The following HAT1 variants were observed in gnomAD, a reference collection of about 807,000 sequenced individuals.
HAT1 encodes histone acetyltransferase type B catalytic subunit.
A neutral mutation model predicts 56.6 loss-of-function variants in HAT1; 20 were observed. The observed-to-expected ratio is 0.35, with a 90% CI of 0.25 to 0.51. The LOEUF is 0.51. HAT1 is among the 20% of genes least tolerant of loss of function. HAT1 has a pLI of 0.95. For synonymous variants in HAT1, 146 were observed against 165.5 expected (o/e 0.88, Z 0.91); for missense variants, 408 against 504.3 (o/e 0.81, Z 1.83).
chr2:171,931,912 A>G (rs1285085143), intron 2 of HAT1, among the ~76,000 whole-genome samples: 1 of 152,228 alleles, frequency 6.6e-6, no homozygotes, highest in Non-Finnish European at 1.5e-5. Flanking sequence ...CAATTGAAGA[A>G]GGAAAATTTT....
intron 9 of HAT1, among the ~76,000 whole-genome samples, chr2:171,977,954 ACAT>A (rs1688029764): frequency 6.6e-6 from 1 of 152,120 alleles, no homozygotes; most frequent in African/African-American, 2.4e-5. Context: ...AAGTGAAACA[ACAT>A]CAACAGAAAA....
chr2:171,938,242 A>G (rs2105310955), intron 2 of HAT1, among the ~76,000 whole-genome samples: 1 of 152,264 alleles, frequency 6.6e-6, no homozygotes, highest in South Asian at 2.1e-4. Context: ...AAAGAAAGAA[A>G]GAAGCAACAG....
intron 10 of HAT1, among the ~76,000 whole-genome samples, chr2:171,981,753 G>A (rs577924409): frequency 6.6e-6 from 1 of 152,122 alleles, no homozygotes; most frequent in South Asian, 2.1e-4. Flanking sequence ...TAGCAGGTTT[G>A]TAATAAATTA....
intron 2 of HAT1, among the ~76,000 whole-genome samples, chr2:171,933,980 C>A (rs1024622281): frequency 6.6e-6 from 1 of 152,184 alleles, no homozygotes; most frequent in Admixed American, 6.5e-5. Context: ...CTGTCAAAAT[C>A]TCCAGCTGGA....
At chr2:171,956,311 C>T (rs1221902638) in intron 4 of HAT1, among the ~76,000 whole-genome samples, 7 of 151,772 alleles carry the variant, frequency 4.6e-5, no homozygotes, top group Non-Finnish European at 1.5e-5. Context: ...GGCGAAAACC[C>T]ATCTCTACAC....
chr2:171,980,499 T>C (rs754654736), intron 10 of HAT1: 1 of 152,126 alleles, frequency 6.6e-6, no homozygotes. Flanking sequence ...CTAGATCAAA[T>C]TGGCCTTATC....
intron 2 of HAT1, among the ~76,000 whole-genome samples, chr2:171,934,560 A>C (rs1686819797): frequency 6.6e-6 from 1 of 152,140 alleles, no homozygotes; most frequent in African/African-American, 2.4e-5. Flanking sequence ...TTATAGAAGA[A>C]GGCGTTGGAG....
chr2:171,937,376 A>G (rs978943704), intron 2 of HAT1, among the ~76,000 whole-genome samples: 1 of 152,168 alleles, frequency 6.6e-6, no homozygotes, highest in Admixed American at 6.6e-5. Context: ...TTGTGCCTAT[A>G]AAAAGGTGGT....
intron 4 of HAT1, among the ~76,000 whole-genome samples, chr2:171,962,595 T>C (rs982291238): frequency 1.3e-5 from 2 of 152,192 alleles, no homozygotes; most frequent in Admixed American, 1.3e-4. Context: ...GGTTTCACCA[T>C]GTTGGCCAGG....
chr2:171,955,923 T>G (rs1188117977), intron 4 of HAT1, among the ~76,000 whole-genome samples: 1 of 151,826 alleles, frequency 6.6e-6, no homozygotes, highest in Non-Finnish European at 1.5e-5. Flanking sequence ...CGCATGCCTG[T>G]AATCCCAGCT....
chr2:171,935,245 T>TG (rs1250426256), intron 2 of HAT1, among the ~76,000 whole-genome samples: 16 of 151,426 alleles, frequency 1.1e-4, no homozygotes, highest in Non-Finnish European at 1.9e-4. Context: ...CCAAGCACGG[T>TG]GGCTCATGCC....
Position 171,965,902 on chromosome 2 carries a change from T to C in HAT1, c.605T>C (p.Phe202Ser). The C allele has an allele frequency of 6.2e-7, 1 of 1,613,090 alleles. No individual in the cohort carries two copies. Among genetic ancestry groups the C allele is most frequent in the Non-Finnish European group, 8.5e-7 (1 of 1,179,160 alleles). Residue 202 changes from phenylalanine to serine, a missense_variant, in exon 6 of 11, where the codon TTT becomes TCT. By Grantham distance (155) the Phe-to-Ser change is radical (BLOSUM62 -2). Coordinates refer to ENST00000264108, the MANE Select transcript of HAT1 (RefSeq NM_003642.4). ...IDVDDERWHYFLVFEKYNKDG... is the reference protein window; with the variant it reads ...IDVDDERWHYSLVFEKYNKDG... ...GTGGATGATGAAAGATGGCACTACT[T>C]TCTAGTGTAAGTACAGTTCTAAAGC...
At position 171,952,925 on chromosome 2, in the gene HAT1, A is replaced by G. The variant is rs1436069334; in HGVS notation, c.233A>G (p.Tyr78Cys). 2.5e-6 allele frequency: 4 copies of G among 1,592,120 alleles called. No homozygotes were observed. The highest frequency in any genetic ancestry group is 2.6e-6 in the Non-Finnish European group (3 of 1,160,786). Reference sequence around the variant, plus strand: ...AAGGGTCTAAAGATCCTGTTATACTATATTGCTGGTAGCCTGTCAACAATG... The same window carrying G: ...AAGGGTCTAAAGATCCTGTTATACTGTATTGCTGGTAGCCTGTCAACAATG... ...GYKGLKILLY[Y>C]IAGSLSTMFR... The change falls in exon 4 of 11, where the codon TAT (tyrosine) becomes TGT (cysteine). Residue 78 changes from tyrosine (Y) to cysteine (C), a missense_variant. By Grantham distance (194) the Tyr-to-Cys change is radical. Coordinates refer to ENST00000264108, the MANE Select transcript of HAT1 (RefSeq NM_003642.4).
intron 9 of HAT1, among the ~76,000 whole-genome samples, chr2:171,977,215 G>A (rs1208808676): frequency 3.3e-5 from 5 of 149,928 alleles, no homozygotes; most frequent in Non-Finnish European, 5.9e-5. Context: ...GGTGGCTCAC[G>A]CCTGTAATCC....
intron 2 of HAT1, among the ~76,000 whole-genome samples, chr2:171,945,243 T>C (rs1323491397): frequency 6.6e-6 from 1 of 152,054 alleles, no homozygotes; most frequent in Non-Finnish European, 1.5e-5. Flanking sequence ...CTAAGATAAA[T>C]TTTATCAGGG....
intron 1 of HAT1, among the ~76,000 whole-genome samples, chr2:171,925,227 C>T (rs1008792939): frequency 7.2e-5 from 11 of 152,086 alleles, no homozygotes; most frequent in Admixed American, 1.3e-4. Flanking sequence ...CGCCCGTCAC[C>T]GTGCCCGGCT....
At chr2:171,935,647 C>A (rs7597525) in intron 2 of HAT1, among the ~76,000 whole-genome samples, 13,733 of 151,814 alleles carry the variant, frequency 0.09, 848 homozygotes, top group Admixed American at 0.2. Context: ...GAGGCCCAGG[C>A]AGGATGATCA....
intron 3 of HAT1, 152 bp downstream of exon 3, chr2:171,946,935 G>A: frequency 1.8e-6 from 1 of 544,512 alleles, no homozygotes; most frequent in Non-Finnish European, 3.2e-6. Context: ...TTTTTACATT[G>A]AGACACCAGT....
At chr2:171,977,557 A>ATAATT (rs1271452199) in intron 9 of HAT1, among the ~76,000 whole-genome samples, 2 of 16,358 alleles carry the variant, frequency 1.2e-4, no homozygotes, top group African/African-American at 4.3e-4. Flanking sequence ...ATATATATAT[A>ATAATT]TTTTTTTTTT....
Sources: gnomAD v4.1 joint callset for allele counts (sites outside exome capture counted in the v4.1 genomes callset) on GRCh38, gnomAD v4.1.1 for gene constraint, MANE v1.5 for transcripts, NCBI Gene and HGNC (gene_info 2026-07-23, HGNC 2026-07-21) for gene names.